USP32: variants seen among roughly 807,000 people sequenced by gnomAD.
USP32 encodes the protein ubiquitin carboxyl-terminal hydrolase 32.
A neutral mutation model predicts 204.8 loss-of-function variants in USP32; 59 were observed. The observed-to-expected ratio is 0.29, with a 90% CI of 0.23 to 0.36. USP32 has a LOEUF of 0.36. USP32 is among the 10% of genes least tolerant of loss of function. The pLI, the probability that USP32 is intolerant of heterozygous loss-of-function variation, is 1.00. For synonymous variants in USP32, 517 were observed against 678.4 expected, an observed-to-expected ratio of 0.76 and a Z score of 3.70; for missense variants, 1,160 against 1,946.4, an observed-to-expected ratio of 0.60 and a Z score of 7.60.
chr17:60,183,271 T>C lies in USP32; in HGVS notation c.4017A>G (p.Ala1339=). 1 of 1,614,000 alleles carries C rather than the reference T, an allele frequency of 6.2e-7. No individual in the cohort carries two copies. The highest frequency in any genetic ancestry group is 8.5e-7 in the Non-Finnish European group (1 of 1,179,868). The stretch of plus-strand genomic sequence containing the variant: ...GCGCATCCACTTTCTTCACCTCCCT[T>C]GCCAGAATCCTGGGCTCAGAGAGCT... ...GDELSEPRIL[A]REVKKVDAQS... The change falls in exon 31 of 34, where the codon GCA becomes GCG. Residue 1339 remains alanine, a synonymous_variant. Coordinates refer to ENST00000300896, the MANE Select transcript of USP32 (RefSeq NM_032582.4).
chr17:60,213,834 T>A (rs912213755), intron 17 of USP32, among the ~76,000 whole-genome samples, 172 bp from the exon 18 acceptor site: 3 of 152,248 alleles, frequency 2.0e-5, no homozygotes, highest in African/African-American at 7.2e-5. Context: ...GGTGGCAGTA[T>A]GACAGAAAGA....
chr17:60,302,024 T>C (rs1211376246), intron 2 of USP32, among the ~76,000 whole-genome samples: 2 of 152,220 alleles, frequency 1.3e-5, no homozygotes, highest in East Asian at 1.9e-4. Context: ...TTTAACACTT[T>C]ATTATAAAAT....
intron 2 of USP32, among the ~76,000 whole-genome samples, chr17:60,307,035 GAC>G (rs568288230): frequency 3.3e-5 from 5 of 151,314 alleles, no homozygotes; most frequent in Admixed American, 3.3e-4. Flanking sequence ...AATTGAAGAG[GAC>G]ACACACACAA....
chr17:60,311,344 T>C (rs1245989360), intron 2 of USP32, among the ~76,000 whole-genome samples: 1 of 152,238 alleles, frequency 6.6e-6, no homozygotes, highest in Non-Finnish European at 1.5e-5. Context: ...AATACACTGT[T>C]ATACTAATAT....
chr17:60,208,476 A>C lies in USP32; in HGVS notation c.2773+178T>G, dbSNP rs541067033. On this transcript the variant is annotated intron_variant, in intron 23 of 33. Transcript: ENST00000300896. ...TGCTGGCATATTTGAAACCAAAAAA[A>C]CATGCCCCAGTCTACATCTTTCAAA... Among the ~76,000 whole-genome samples, 5 of 152,318 alleles carry C rather than the reference A, an allele frequency of 3.3e-5. 1 individual carries two copies. In the East Asian group the frequency reaches 7.7e-4, roughly 23 times the overall value.
intron 2 of USP32, chr17:60,315,965 T>C (rs2087966603): frequency 5.9e-6 from 1 of 170,664 alleles, no homozygotes; most frequent in South Asian, 1.3e-4. Context: ...ACAGGCCTGG[T>C]CTGGTACTCT....
At chr17:60,362,565 A>C (rs141035473) in intron 1 of USP32, among the ~76,000 whole-genome samples, 2 of 152,374 alleles carry the variant, frequency 1.3e-5, no homozygotes, top group African/African-American at 4.8e-5. Context: ...TTGTATACTT[A>C]AACGCTGCAG....
chr17:60,255,150 T>C, intron 10 of USP32, 25 bp downstream of exon 10: 1 of 1,569,404 alleles, frequency 6.4e-7, no homozygotes, highest in Non-Finnish European at 8.7e-7. Flanking sequence ...CTACCCTCTG[T>C]TGCTGTCATT....
chr17:60,219,215 CAA>C (rs1301954493), intron 16 of USP32, among the ~76,000 whole-genome samples: 1 of 151,854 alleles, frequency 6.6e-6, no homozygotes, highest in African/African-American at 2.4e-5. Flanking sequence ...CCTTAAAAAA[CAA>C]AAAAGATGAT....
At chr17:60,338,376 T>C (rs2088575955) in intron 2 of USP32, among the ~76,000 whole-genome samples, 1 of 151,588 alleles carries the variant, frequency 6.6e-6, no homozygotes, top group African/African-American at 2.4e-5. Flanking sequence ...TAAATTTGTT[T>C]GAGAGGAGTA....
intron 1 of USP32, among the ~76,000 whole-genome samples, chr17:60,406,156 CA>C (rs35763642): frequency 0.1 from 4,530 of 45,252 alleles, 43 homozygotes; most frequent in South Asian, 0.13. Flanking sequence ...GACCTTGTCT[CA>C]AAAAAAAAAA....
chr17:60,245,620 A>G, intron 11 of USP32: 1 of 315,572 alleles, frequency 3.2e-6, no homozygotes, highest in South Asian at 3.4e-5. Context: ...ATGATCTTGG[A>G]CTTCACAAGG....
At chr17:60,420,338 G>T (rs975457600) in intron 1 of USP32, among the ~76,000 whole-genome samples, 8 of 152,062 alleles carry the variant, frequency 5.3e-5, no homozygotes, top group African/African-American at 1.9e-4. Flanking sequence ...TGTTTTTAAT[G>T]ATGTTATTTA....
chr17:60,343,094 AGAG>A (rs1482441100), intron 2 of USP32, among the ~76,000 whole-genome samples: 1 of 152,234 alleles, frequency 6.6e-6, no homozygotes, highest in African/African-American at 2.4e-5. Flanking sequence ...TTCAACAAGA[AGAG>A]CTATCTATCC....
chr17:60,366,151 T>C (rs1244229084), intron 1 of USP32, among the ~76,000 whole-genome samples: 3 of 151,714 alleles, frequency 2.0e-5, no homozygotes, highest in Admixed American at 6.6e-5. Flanking sequence ...CTAAGTTTTT[T>C]TTCTTTTTTC....
chr17:60,232,299 A>G (rs1267563465), intron 12 of USP32, among the ~76,000 whole-genome samples: 1 of 149,826 alleles, frequency 6.7e-6, no homozygotes, highest in Non-Finnish European at 1.5e-5. Flanking sequence ...CAGCCTCCCA[A>G]GTAGCTGGAA....
intron 9 of USP32, chr17:60,258,283 A>C (rs2086366592): frequency 5.8e-6 from 1 of 173,894 alleles, no homozygotes; most frequent in African/African-American, 2.4e-5. Flanking sequence ...CAGCAAAAAG[A>C]ATTAAGAGAA....
At chr17:60,238,936 G>C (rs953757063) in intron 11 of USP32, among the ~76,000 whole-genome samples, 5 of 152,140 alleles carry the variant, frequency 3.3e-5, no homozygotes, top group African/African-American at 1.2e-4. Flanking sequence ...CAGCCTGTGT[G>C]ACAGTGTGAG....
rs1384067597 is a variant in USP32 at position 60,355,863 on chromosome 17, A to G, written c.59-10255T>C. Among the ~76,000 whole-genome samples the G allele has an allele frequency of 2.2e-3, 327 of 149,878 alleles. 8 individuals carry two copies. Among genetic ancestry groups the G allele is most frequent in the African/African-American group, 7.7e-3 (309 of 40,234 alleles). ...AAAAAAAAAGAGAGAGAAAGAAAAA[A>G]AAAAAAGAATGGCTGAACCTCTGTA... is the stretch of plus-strand genomic sequence containing the variant. On this transcript the variant is annotated intron_variant, in intron 1 of 33. Coordinates refer to ENST00000300896, the MANE Select transcript of USP32 (RefSeq NM_032582.4).
Sources: allele counts gnomAD v4.1 joint callset (sites outside exome capture counted in the v4.1 genomes callset), GRCh38; gene constraint gnomAD v4.1.1; transcripts MANE v1.5; gene names NCBI Gene and HGNC (gene_info 2026-07-23, HGNC 2026-07-21).